Variants in RNF180 observed in about 807,000 individuals in gnomAD.
The protein encoded by RNF180 is ring finger protein 180.
RNF180 carries 38 observed loss-of-function variants against 59.2 expected under a neutral mutation model. That is an observed-to-expected ratio of 0.64 (90% CI 0.50 to 0.84). The LOEUF is 0.84. Ranked by LOEUF, RNF180 falls within the 40% of genes least tolerant of loss-of-function variation. The probability of loss-of-function intolerance (pLI) is 0.00; values close to 1 mark genes in which losing one functional copy is unlikely to be tolerated. For synonymous variants in RNF180, 262 were observed against 240.3 expected (o/e 1.09, Z -0.84); for missense variants, 705 against 700.9 (o/e 1.01, Z -0.07).
At chr5:64,171,880 A>G (rs1749954824) in intron 1 of RNF180, among the ~76,000 whole-genome samples, 1 of 151,932 alleles carries the variant, frequency 6.6e-6, no homozygotes, top group African/African-American at 2.4e-5. Context: ...GGGTATAAGG[A>G]AGCAAAGTTA....
intron 1 of RNF180, among the ~76,000 whole-genome samples, chr5:64,169,989 G>A (rs1372436313): frequency 1.3e-5 from 2 of 152,228 alleles, no homozygotes; most frequent in East Asian, 3.8e-4. Context: ...GGTAAGGAGT[G>A]AGCCAGTATT....
chr5:64,337,918 G>C (rs1032518388), intron 7 of RNF180, among the ~76,000 whole-genome samples: 1 of 152,030 alleles, frequency 6.6e-6, no homozygotes, highest in Non-Finnish European at 1.5e-5. Flanking sequence ...TTGGACATTT[G>C]GGTTGGTTCC....
At chr5:64,183,441 CTTTTTTTTTTTT>C (rs367772828) in intron 1 of RNF180, among the ~76,000 whole-genome samples, 6 of 89,914 alleles carry the variant, frequency 6.7e-5, no homozygotes, top group Non-Finnish European at 1.1e-4. Context: ...GAAAGTATAC[CTTTTTTTTTTTT>C]TTTTTTTTTT....
At chr5:64,299,782 T>A (rs936518298) in intron 5 of RNF180, among the ~76,000 whole-genome samples, 1 of 151,938 alleles carries the variant, frequency 6.6e-6, no homozygotes, top group Non-Finnish European at 1.5e-5. Flanking sequence ...GTATCTGTGG[T>A]TTCACTTTCC....
chr5:64,333,498 A>G (rs1744999941), intron 7 of RNF180, among the ~76,000 whole-genome samples: 1 of 152,224 alleles, frequency 6.6e-6, no homozygotes, highest in East Asian at 1.9e-4. Context: ...GGTCACATTT[A>G]GCCCCCAAAA....
chr5:64,260,779 A>G (rs757230429), intron 5 of RNF180, among the ~76,000 whole-genome samples: 26 of 152,160 alleles, frequency 1.7e-4, no homozygotes, highest in Non-Finnish European at 2.5e-4. Flanking sequence ...CAGTTTTCTC[A>G]TATGTAAAAT....
chr5:64,330,666 A>G (rs2112537547), intron 7 of RNF180, among the ~76,000 whole-genome samples: 1 of 152,390 alleles, frequency 6.6e-6, no homozygotes, highest in Middle Eastern at 3.4e-3. Context: ...TAGTACATAG[A>G]TAATGAAAAT....
chr5:64,194,321 A>T (rs1484208827), intron 1 of RNF180, among the ~76,000 whole-genome samples: 1 of 152,186 alleles, frequency 6.6e-6, no homozygotes, highest in East Asian at 1.9e-4. Flanking sequence ...ATGTCCCTAC[A>T]AAGGACAAGA....
At chr5:64,231,445 G>A (rs938465674) in intron 5 of RNF180, among the ~76,000 whole-genome samples, 1 of 152,064 alleles carries the variant, frequency 6.6e-6, no homozygotes, top group Non-Finnish European at 1.5e-5. Flanking sequence ...CTAAGTATAT[G>A]TGCCACACAC....
intron 2 of RNF180, among the ~76,000 whole-genome samples, chr5:64,204,312 C>T (rs1751908210): frequency 1.3e-5 from 2 of 152,180 alleles, no homozygotes; most frequent in South Asian, 4.1e-4. Flanking sequence ...CATATCTTTG[C>T]ACACATTGGC....
chr5:64,238,034 T>C (rs1742556695), intron 5 of RNF180, among the ~76,000 whole-genome samples: 1 of 152,206 alleles, frequency 6.6e-6, no homozygotes, highest in South Asian at 2.1e-4. Flanking sequence ...GAGAACAGAC[T>C]AATACAGTCT....
intron 1 of RNF180, among the ~76,000 whole-genome samples, chr5:64,171,836 C>T (rs28424066): frequency 0.053 from 8,101 of 152,086 alleles, 624 homozygotes; most frequent in East Asian, 0.37. Context: ...AGGCCTTCTC[C>T]ACCCCGCCCC....
chr5:64,329,614 T>C (rs1166181914), intron 6 of RNF180, among the ~76,000 whole-genome samples: 1 of 151,980 alleles, frequency 6.6e-6, no homozygotes, highest in Non-Finnish European at 1.5e-5. Flanking sequence ...CCTGCCACCA[T>C]GCCCAGCTAA....
chr5:64,195,931 C>A (rs935427184), intron 1 of RNF180, among the ~76,000 whole-genome samples: 3 of 152,062 alleles, frequency 2.0e-5, no homozygotes, highest in African/African-American at 7.2e-5. Context: ...ATCTTTGGGA[C>A]GTGGGAGGAA....
chr5:64,333,029 T>C (rs1744973695), intron 7 of RNF180, among the ~76,000 whole-genome samples: 1 of 152,130 alleles, frequency 6.6e-6, no homozygotes, highest in African/African-American at 2.4e-5. Flanking sequence ...GAAAGTAACA[T>C]AAGAATATAA....
At chr5:64,227,207 G>A (rs192824220) in intron 5 of RNF180, among the ~76,000 whole-genome samples, 292 of 152,242 alleles carry the variant, frequency 1.9e-3, no homozygotes, top group South Asian at 3.1e-3. Context: ...GCAGCGGTGG[G>A]GCCTGGACAG....
At chr5:64,350,684 G>C (rs1252071523) in intron 7 of RNF180, among the ~76,000 whole-genome samples, 3 of 152,076 alleles carry the variant, frequency 2.0e-5, no homozygotes, top group African/African-American at 7.2e-5. Context: ...CCCATGTCTT[G>C]TTTTTGTCAG....
At chr5:64,355,458 A>T (rs1745978952) in intron 7 of RNF180, among the ~76,000 whole-genome samples, 1 of 151,938 alleles carries the variant, frequency 6.6e-6, no homozygotes, top group Non-Finnish European at 1.5e-5. Context: ...GCATTAGAAG[A>T]TTTAATACTG....
intron 7 of RNF180, among the ~76,000 whole-genome samples, chr5:64,335,953 G>GT (rs1327210284): frequency 6.6e-6 from 1 of 152,016 alleles, no homozygotes; most frequent in Non-Finnish European, 1.5e-5. Flanking sequence ...GTTTTATAAT[G>GT]TTTTTATAAA....
Sources: allele counts gnomAD v4.1 joint callset (sites outside exome capture counted in the v4.1 genomes callset), GRCh38; gene constraint gnomAD v4.1.1; transcripts MANE v1.5; gene names NCBI Gene and HGNC (gene_info 2026-07-23, HGNC 2026-07-21).